Variants in TMEM150A observed in about 807,000 individuals in gnomAD.
TMEM150A encodes the protein transmembrane protein 150A, also known as fasting-inducible integral membrane protein TM6P1.
In TMEM150A, 18 loss-of-function variants were observed where a neutral mutation model predicts 29.8. The observed-to-expected ratio is 0.60, with a 90% CI of 0.42 to 0.90. The LOEUF is 0.90. TMEM150A is among the 40% of genes least tolerant of loss of function. TMEM150A has a pLI of 0.00. For synonymous variants in TMEM150A, 127 were observed against 143.6 expected, an observed-to-expected ratio of 0.88 and a Z score of 0.83; for missense variants, 251 against 349.7, an observed-to-expected ratio of 0.72 and a Z score of 2.25.
At chr2:85,600,581 C>T in intron 4 of TMEM150A, 169 bp from the exon 5 acceptor site, 1 of 626,484 alleles carries the variant, frequency 1.6e-6, no homozygotes, top group Non-Finnish European at 2.9e-6. Context: ...CCAGGCTGGG[C>T]CCCCAAAGCA....
At position 85,599,972 on chromosome 2, in the gene TMEM150A, ACT is replaced by A; in HGVS notation, c.313_314del (p.Arg106AlafsTer5). 6.2e-7 allele frequency: 1 copy of A among 1,612,760 alleles called. No homozygotes were observed. The highest frequency in any genetic ancestry group is 8.5e-7 in the Non-Finnish European group (1 of 1,179,922). On this transcript the variant is annotated frameshift_variant, in exon 6 of 8. Coordinates refer to ENST00000334462, the MANE Select transcript of TMEM150A (RefSeq NM_001031738.3). LOFTEE classifies it high-confidence loss of function. The surrounding 1 kb of genome is among the most constrained non-coding windows in gnomAD (Gnocchi z 6.0). The stretch of plus-strand genomic sequence containing the variant: ...CCGTGGTGTTAACCCAAGAGTGCCG[ACT>A]CTGCTCCAGGAGCTGCCCGTAGCGC... ...LLRYGQLLEQ[S>X]RHSWVNTTAL...
rs777706887 is a variant in TMEM150A at position 85,599,361 on chromosome 2, C to T, written c.575-44G>A. 6.2e-6 allele frequency: 10 copies of T among 1,607,538 alleles called. No individual in the cohort carries two copies. The South Asian group carries it at 8.8e-5, about 14-fold the overall frequency. On this transcript the variant is annotated intron_variant, in intron 7 of 7. Transcript: ENST00000334462. This position sits in a 1 kb window ranked among gnomAD's most constrained non-coding sequence, Gnocchi z 6.0. Reference sequence around the variant, plus strand: ...AATGTTCAGTAGGACATACGGAAACCTGGCAACACCCCTTCTGCAGTCTCA... The same window carrying T: ...AATGTTCAGTAGGACATACGGAAACTTGGCAACACCCCTTCTGCAGTCTCA...
rs1672998688 is a variant in TMEM150A at position 85,601,999 on chromosome 2, G to C, written c.-51C>G. 6.4e-7 allele frequency: 1 copy of C among 1,562,940 alleles called. No individual in the cohort carries two copies. Among genetic ancestry groups the C allele is most frequent in the East Asian group, 2.2e-5 (1 of 44,648 alleles). ...GGTGTTGGGGGGAGGACAAGAGGTAGATGGGGAAGTGGGGGCGGACCAGCT... is the reference window on the plus strand; with the variant it reads ...GGTGTTGGGGGGAGGACAAGAGGTACATGGGGAAGTGGGGGCGGACCAGCT... On this transcript the variant is annotated 5_prime_UTR_variant, in exon 2 of 8. In the 5' UTR this introduces an upstream ATG that the reference lacks. Transcript: ENST00000334462. This position sits in a 1 kb window ranked among gnomAD's most constrained non-coding sequence, Gnocchi z 4.0.
chr2:85,600,122 G>A, intron 5 of TMEM150A, 104 bp from the exon 6 acceptor site: 5 of 1,494,260 alleles, frequency 3.3e-6, no homozygotes, highest in Admixed American at 2.1e-5. Context: ...CCTTCTGAGG[G>A]GCAGAAAGGA....
Position 85,601,202 on chromosome 2 carries a change from C to T in TMEM150A, c.114-95G>A. ...CCTCAAAGAGGACTCTCTCCCAGAC[C>T]TCCCCTACAGGGACAGAAGATCCCA... On this transcript the variant is annotated intron_variant, in intron 3 of 7. Transcript: ENST00000334462. The surrounding 1 kb of genome is among the most constrained non-coding windows in gnomAD (Gnocchi z 4.0). 7.4e-7 allele frequency: 1 copy of T among 1,357,388 alleles called. No individual in the cohort carries two copies. Among genetic ancestry groups the T allele is most frequent in the Non-Finnish European group, 1.0e-6 (1 of 964,358 alleles). 84.1% of individuals were successfully genotyped at this position (1,357,388 alleles called of 1,614,324 possible).
In TMEM150A at chr2:85,602,209, C is replaced by T; in HGVS notation, c.-116-145G>A. 1 of 430,644 alleles carries T rather than the reference C, an allele frequency of 2.3e-6. No homozygotes were observed. Among genetic ancestry groups the T allele is most frequent in the Non-Finnish European group, 4.3e-6 (1 of 231,916 alleles). The allele number at this position is 430,644 out of a possible 1,614,324, so 26.7% of individuals were successfully genotyped here. A position where few individuals can be genotyped will look rare whatever the true frequency, so the allele number is the denominator to read the frequency against. On this transcript the variant is annotated intron_variant, in intron 1 of 7. Transcript: ENST00000334462. This position sits in a 1 kb window ranked among gnomAD's most constrained non-coding sequence, Gnocchi z 5.6. ...GCCCACGGCAGAACGTGAACACCCTCTGGCACTGGGGGCCTCCGCGGTCAA... is the reference window on the plus strand; with the variant it reads ...GCCCACGGCAGAACGTGAACACCCTTTGGCACTGGGGGCCTCCGCGGTCAA...
In TMEM150A at chr2:85,600,326, G is replaced by T. The variant is rs573913235; in HGVS notation, c.268+19C>A. 1.9e-6 allele frequency: 3 copies of T among 1,613,744 alleles called. No homozygotes were observed. The highest frequency in any genetic ancestry group is 2.7e-5 in the African/African-American group (2 of 74,996). On this transcript the variant is annotated intron_variant, in intron 5 of 7. Transcript: ENST00000334462. Reference sequence around the variant, plus strand: ...CACTGGGCTGGGCACGCAGGGTCAGGGCTAAGGGTACAACTCACCCATGAA... The same window carrying T: ...CACTGGGCTGGGCACGCAGGGTCAGTGCTAAGGGTACAACTCACCCATGAA...
Position 85,601,044 on chromosome 2 carries a change from G to T in TMEM150A, c.177C>A (p.Thr59=), listed in dbSNP as rs779703399. ...ACCTGATGAGGGGGACATCGTCCAG[G>T]GTGCAGCAGGTCTTGGGACCCCCTT... The part of the protein sequence containing the change: ...AEQGGPKTCC[T]LDDVPLISKC... Residue 59 remains threonine (T), a synonymous_variant, in exon 4 of 8, where the codon ACC becomes ACA. Transcript: ENST00000334462. This position sits in a 1 kb window ranked among gnomAD's most constrained non-coding sequence, Gnocchi z 4.0. The T allele has an allele frequency of 1.2e-6, 2 of 1,612,488 alleles. No homozygotes were observed. The highest frequency in any genetic ancestry group is 1.7e-6 in the Non-Finnish European group (2 of 1,179,512).
Position 85,599,456 on chromosome 2 carries a change from C to A in TMEM150A, c.574+69G>T, listed in dbSNP as rs1672805193. The stretch of plus-strand genomic sequence containing the variant: ...ATGGCAGTGTTAGGCCTCCACCCCC[C>A]ATCCTCTTGGGAGGGAGAAAGGTTG... On this transcript the variant is annotated intron_variant, in intron 7 of 7. Transcript: ENST00000334462. This position sits in a 1 kb window ranked among gnomAD's most constrained non-coding sequence, Gnocchi z 6.0. 3.8e-6 allele frequency: 6 copies of A among 1,568,164 alleles called. No individual in the cohort carries two copies. The highest frequency in any genetic ancestry group is 3.6e-5 in the South Asian group (3 of 83,060).
At position 85,601,133 on chromosome 2, in the gene TMEM150A, TGG is replaced by T. The variant is rs758241688; in HGVS notation, c.114-28_114-27del. 1.2e-6 allele frequency: 2 copies of T among 1,609,310 alleles called. No homozygotes were observed. Among genetic ancestry groups the T allele is most frequent in the South Asian group, 2.2e-5 (2 of 90,822 alleles). Reference sequence around the variant, plus strand: ...CTGGCAGGCAGGACAGGGAGTAGACTGGGGGAAGGGACTGCCCCCAGGCCCTT... The same window carrying T: ...CTGGCAGGCAGGACAGGGAGTAGACTGGGAAGGGACTGCCCCCAGGCCCTT... On this transcript the variant is annotated intron_variant, in intron 3 of 7. Coordinates refer to ENST00000334462, the MANE Select transcript of TMEM150A (RefSeq NM_001031738.3). This position sits in a 1 kb window ranked among gnomAD's most constrained non-coding sequence, Gnocchi z 4.0.
chr2:85,600,893 AAGTAGTGTTG>A, intron 4 of TMEM150A, 118 bp downstream of exon 4: 1 of 784,468 alleles, frequency 1.3e-6, no homozygotes, highest in Non-Finnish European at 2.0e-6. Context: ...AGTAACTGTC[AAGTAGTGTTG>A]TTATTAAGTG....
Position 85,598,805 on chromosome 2 carries a change from C to T in TMEM150A, c.*271G>A, listed in dbSNP as rs1672761016. 4.6e-6 allele frequency: 2 copies of T among 436,692 alleles called. No homozygotes were observed. The highest frequency in any genetic ancestry group is 8.5e-6 in the Non-Finnish European group (2 of 235,484). 27.1% of individuals were successfully genotyped at this position (436,692 alleles called of 1,614,324 possible). A position where few individuals can be genotyped will look rare whatever the true frequency, so the allele number is the denominator to read the frequency against. On this transcript the variant is annotated 3_prime_UTR_variant, in exon 8 of 8. Transcript: ENST00000334462. The stretch of plus-strand genomic sequence containing the variant: ...TGGCTTTGGCACTGGGAGTAGAAGG[C>T]ACCTGAAGGGCTGGCTGGGTGAGTG...
rs755826751 is a variant in TMEM150A at position 85,601,383 on chromosome 2, G to A, written c.113+52C>T. On this transcript the variant is annotated intron_variant, in intron 3 of 7. Coordinates refer to ENST00000334462, the MANE Select transcript of TMEM150A (RefSeq NM_001031738.3). The surrounding 1 kb of genome is among the most constrained non-coding windows in gnomAD (Gnocchi z 4.0). ...CGTGGCAGCCTCAGGCCCAAGAGGG[G>A]ACAGAGATGAAGGAAGCTTTAGAGC... 12 of 1,607,290 alleles carry A rather than the reference G, an allele frequency of 7.5e-6. No homozygotes were observed. The highest frequency in any genetic ancestry group is 1.0e-5 in the Non-Finnish European group (12 of 1,173,922).
chr2:85,599,269 G>C lies in TMEM150A; in HGVS notation c.623C>G (p.Ala208Gly). The stretch of plus-strand genomic sequence containing the variant: ...GATGACACACACCCACTCACACAGG[G>C]CTGCCCCATGTTGCAGCTGAGAACT... ...HESSQLQHGA[A>G]LCEWVCVIDI... The change falls in exon 8 of 8, where the codon GCC becomes GGC. Residue 208 changes from alanine to glycine, a missense_variant. Transcript: ENST00000334462. This position sits in a 1 kb window ranked among gnomAD's most constrained non-coding sequence, Gnocchi z 6.0. 1.9e-6 allele frequency: 3 copies of C among 1,614,074 alleles called. No homozygotes were observed. Among genetic ancestry groups the C allele is most frequent in the Non-Finnish European group, 2.5e-6 (3 of 1,180,018 alleles).
chr2:85,600,430 G>A lies in TMEM150A; in HGVS notation c.201-18C>T, dbSNP rs777260146. 3.1e-6 allele frequency: 5 copies of A among 1,613,516 alleles called. 1 individual carries two copies. The highest frequency in any genetic ancestry group is 1.7e-4 in the Middle Eastern group (1 of 6,042). On this transcript the variant is annotated intron_variant, in intron 4 of 7. Coordinates refer to ENST00000334462, the MANE Select transcript of TMEM150A (RefSeq NM_001031738.3). Reference sequence around the variant, plus strand: ...CACACTTGCTGCGAGGAGGGGGAAGGACAGAGTAAGAGGGGTGCAGGAGGC... The same window carrying A: ...CACACTTGCTGCGAGGAGGGGGAAGAACAGAGTAAGAGGGGTGCAGGAGGC...
Position 85,599,941 on chromosome 2 carries a change from TGAGTGCCGTGGTGTTAACCCAA to T in TMEM150A, c.324_345del (p.Trp109SerfsTer155). The T allele has an allele frequency of 6.2e-7, 1 of 1,612,930 alleles. No individual in the cohort carries two copies. Among genetic ancestry groups the T allele is most frequent in the Non-Finnish European group, 8.5e-7 (1 of 1,179,874 alleles). On this transcript the variant is annotated frameshift_variant, in exon 6 of 8. Transcript: ENST00000334462. LOFTEE classifies it high-confidence loss of function. The surrounding 1 kb of genome is among the most constrained non-coding windows in gnomAD (Gnocchi z 6.0). ...CCCGCAGCGTTGGTGCAGCCTGTGA[TGAGTGCCGTGGTGTTAACCCAA>T]GAGTGCCGACTCTGCTCCAGGAGCT...
chr2:85,602,013 G>C lies in TMEM150A; in HGVS notation c.-65C>G. The C allele has an allele frequency of 7.1e-7, 1 of 1,401,802 alleles. No homozygotes were observed. Among genetic ancestry groups the C allele is most frequent in the South Asian group, 1.2e-5 (1 of 86,464 alleles). 86.8% of individuals were successfully genotyped at this position (1,401,802 alleles called of 1,614,324 possible). On this transcript the variant is annotated 5_prime_UTR_variant, in exon 2 of 8. Transcript: ENST00000334462. This position sits in a 1 kb window ranked among gnomAD's most constrained non-coding sequence, Gnocchi z 5.6. ...GACAAGAGGTAGATGGGGAAGTGGG[G>C]GCGGACCAGCTACCTTGAGATGTTT...
intron 4 of TMEM150A, 98 bp downstream of exon 4, chr2:85,600,923 A>T: frequency 8.9e-7 from 1 of 1,129,118 alleles, no homozygotes; most frequent in Non-Finnish European, 1.3e-6. Flanking sequence ...GGCTCTTAGG[A>T]TACTTATTGT....
chr2:85,599,026 G>T lies in TMEM150A; in HGVS notation c.*50C>A, dbSNP rs1211580183. The T allele has an allele frequency of 1.9e-6, 3 of 1,585,648 alleles. No individual in the cohort carries two copies. Among genetic ancestry groups the T allele is most frequent in the Non-Finnish European group, 2.6e-6 (3 of 1,163,132 alleles). ...TTTGGTACGAAATAAATGGAAAGAA[G>T]ATATGGGGTGGGGTGCTGTGGAGGC... On this transcript the variant is annotated 3_prime_UTR_variant, in exon 8 of 8. Coordinates refer to ENST00000334462, the MANE Select transcript of TMEM150A (RefSeq NM_001031738.3). The surrounding 1 kb of genome is among the most constrained non-coding windows in gnomAD (Gnocchi z 6.0).
Sources: allele counts gnomAD v4.1 joint callset, GRCh38; gene constraint gnomAD v4.1.1; non-coding constraint Gnocchi (gnomAD v3.1); transcripts MANE v1.5; gene names NCBI Gene and HGNC (gene_info 2026-07-23, HGNC 2026-07-21).